The following MCC variants were observed in gnomAD, a reference collection of about 807,000 sequenced individuals.
MCC encodes MCC regulator of Wnt signaling pathway, also known as colorectal mutant cancer protein.
In MCC, 90 loss-of-function variants were observed where a neutral mutation model predicts 116.2. The observed-to-expected ratio is 0.77, with a 90% CI of 0.65 to 0.92. MCC has a LOEUF of 0.92. MCC is among the 40% of genes least tolerant of loss of function. MCC has a pLI of 0.00. For synonymous variants in MCC, 578 were observed against 510.5 expected, an observed-to-expected ratio of 1.13 and a Z score of -1.78; for missense variants, 1,516 against 1,312.2, an observed-to-expected ratio of 1.16 and a Z score of -2.40.
At position 113,184,721 on chromosome 5, in the gene MCC, G is replaced by A. The variant is rs1761811842; in HGVS notation, c.628-33299C>T. 2.0e-5 allele frequency among the ~76,000 whole-genome samples: 3 copies of A among 152,116 alleles called. No homozygotes were observed. In the South Asian group the frequency reaches 6.2e-4, roughly 32 times the overall value. On this transcript the variant is annotated intron_variant, in intron 3 of 18. Coordinates refer to ENST00000408903, the MANE Select transcript of MCC (RefSeq NM_001085377.2). ...CAAAAGAAGAGATGGACAGGTATAA[G>A]TAAAGTGGTTAAGTCTGAAACTGTA...
chr5:113,369,266 G>C (rs1266870028), intron 2 of MCC, among the ~76,000 whole-genome samples: 1 of 151,706 alleles, frequency 6.6e-6, no homozygotes, highest in Non-Finnish European at 1.5e-5. Flanking sequence ...GGTCTTTTCA[G>C]TGACCAGCCT....
At chr5:113,121,072 C>T (rs796617797) in intron 6 of MCC, among the ~76,000 whole-genome samples, 5 of 152,324 alleles carry the variant, frequency 3.3e-5, no homozygotes, top group African/African-American at 1.2e-4. Flanking sequence ...CATACACACC[C>T]CCCACCTTCA....
chr5:113,035,947 C>T (rs938244461), intron 17 of MCC, among the ~76,000 whole-genome samples: 4 of 149,830 alleles, frequency 2.7e-5, no homozygotes, highest in Non-Finnish European at 4.4e-5. Context: ...AGGATAACAT[C>T]ATTTCATTCC....
chr5:113,459,525 G>A (rs1771686867), intron 1 of MCC, among the ~76,000 whole-genome samples: 1 of 151,874 alleles, frequency 6.6e-6, no homozygotes, highest in African/African-American at 2.4e-5. Context: ...GCAACAGAGT[G>A]AGACTCCATC....
chr5:113,130,501 T>TACC (rs974378540), intron 5 of MCC, among the ~76,000 whole-genome samples: 28 of 152,210 alleles, frequency 1.8e-4, no homozygotes, highest in African/African-American at 6.7e-4. Context: ...AAAGGCAATA[T>TACC]ACCTTCTTGA....
chr5:113,399,214 G>A (rs904031023), intron 1 of MCC, among the ~76,000 whole-genome samples: 137 of 152,314 alleles, frequency 9.0e-4, no homozygotes, highest in African/African-American at 2.8e-3. Context: ...GGCCAGGTGC[G>A]GTGGCTCACG....
chr5:113,078,811 C>G (rs1332626991), intron 11 of MCC, among the ~76,000 whole-genome samples: 3 of 152,210 alleles, frequency 2.0e-5, no homozygotes, highest in Non-Finnish European at 1.5e-5. Context: ...CTGGCCAGGG[C>G]AATGAGGCAG....
chr5:113,435,316 A>G (rs191420483), intron 1 of MCC: 22 of 163,778 alleles, frequency 1.3e-4, no homozygotes, highest in Non-Finnish European at 2.4e-4. Context: ...GTGGGAGCAG[A>G]GTGTAGGGAA....
intron 1 of MCC, among the ~76,000 whole-genome samples, chr5:113,432,320 C>CAAAAAAAAAAAAAAAAAAAAAA (rs66577040): frequency 1.5e-5 from 1 of 68,612 alleles, no homozygotes. Context: ...GACTCTGTCT[C>CAAAAAAAAAAAAAAAAAAAAAA]AAAAAAAAAA....
In MCC at chr5:113,074,805, G is replaced by A. The variant is rs148296345; in HGVS notation, c.1785-3571C>T. Among the ~76,000 whole-genome samples, 51 of 152,362 alleles carry A rather than the reference G, an allele frequency of 3.3e-4. No individual in the cohort carries two copies. In the East Asian group the frequency reaches 8.9e-3, roughly 26 times the overall value. On this transcript the variant is annotated intron_variant, in intron 11 of 18. Coordinates refer to ENST00000408903, the MANE Select transcript of MCC (RefSeq NM_001085377.2). ...GCGTATCAGGGATTGAAGATCATAT[G>A]AATGAAATGAAGTGAGAAGAGAAGT...
intron 1 of MCC, among the ~76,000 whole-genome samples, chr5:113,451,178 G>A (rs1401469322): frequency 1.3e-5 from 2 of 152,094 alleles, no homozygotes; most frequent in Non-Finnish European, 2.9e-5. Context: ...CTTTATCTCA[G>A]TACACCCTTT....
At chr5:113,133,777 T>C (rs867850365) in intron 5 of MCC, among the ~76,000 whole-genome samples, 76 of 152,328 alleles carry the variant, frequency 5.0e-4, no homozygotes, top group Middle Eastern at 3.4e-3. Context: ...TTACATATCC[T>C]TGCCAGCATC....
rs145387479 is a variant in MCC at position 113,177,051 on chromosome 5, C to T, written c.628-25629G>A. Among the ~76,000 whole-genome samples the T allele has an allele frequency of 1.1e-3, 172 of 152,292 alleles. 1 individual carries two copies. The highest frequency in any genetic ancestry group is 4.0e-3 in the African/African-American group (165 of 41,562). On this transcript the variant is annotated intron_variant, in intron 3 of 18. Coordinates refer to ENST00000408903, the MANE Select transcript of MCC (RefSeq NM_001085377.2). ...TAACAACTCTTCAGTGGCTGCCCTT[C>T]GCCCTCAGGTAGGTCCAAATTCTTT...
intron 3 of MCC, among the ~76,000 whole-genome samples, chr5:113,331,019 A>G (rs928137891): frequency 7.2e-5 from 11 of 152,344 alleles, no homozygotes; most frequent in African/African-American, 2.4e-4. Flanking sequence ...GTATTTCACA[A>G]CTAGTGTGGC....
At chr5:113,188,940 TAAGC>T (rs944036143) in intron 3 of MCC, among the ~76,000 whole-genome samples, 69 of 152,310 alleles carry the variant, frequency 4.5e-4, no homozygotes, top group African/African-American at 1.6e-3. Flanking sequence ...AAATGGATAC[TAAGC>T]AAGAGAAAGT....
At chr5:113,135,113 T>C (rs1332629148) in intron 5 of MCC, among the ~76,000 whole-genome samples, 3 of 151,530 alleles carry the variant, frequency 2.0e-5, no homozygotes, top group African/African-American at 7.3e-5. Context: ...CTAATTTTTG[T>C]ATTTTTAGTG....
chr5:113,350,813 T>C (rs996045957), intron 2 of MCC, among the ~76,000 whole-genome samples: 1 of 151,920 alleles, frequency 6.6e-6, no homozygotes, highest in Non-Finnish European at 1.5e-5. Flanking sequence ...CCAGAATCTA[T>C]AAGGACCTCA....
In MCC at chr5:113,457,889, G is replaced by A. The variant is rs575032188; in HGVS notation, c.170+30356C>T. ...CAATCAGCACCCTGTGTCTAGCTCA[G>A]GGTTTGTGAATGCACCAATCGACAC... On this transcript the variant is annotated intron_variant, in intron 1 of 18. Transcript: ENST00000408903. Among the ~76,000 whole-genome samples the A allele has an allele frequency of 6.6e-4, 101 of 152,032 alleles. 1 individual carries two copies. Among genetic ancestry groups the A allele is most frequent in the Admixed American group, 9.2e-4 (14 of 15,268 alleles).
At chr5:113,481,944 C>T (rs577495319) in intron 1 of MCC, among the ~76,000 whole-genome samples, 26 of 152,210 alleles carry the variant, frequency 1.7e-4, no homozygotes, top group Middle Eastern at 3.4e-3. Context: ...TTCCCATTAC[C>T]CACAAACCTG....
Sources: gnomAD v4.1 joint callset for allele counts (sites outside exome capture counted in the v4.1 genomes callset) on GRCh38, gnomAD v4.1.1 for gene constraint, MANE v1.5 for transcripts, NCBI Gene and HGNC (gene_info 2026-07-23, HGNC 2026-07-21) for gene names.